TBC1D8: variants seen among roughly 807,000 people sequenced by gnomAD.
TBC1D8 encodes TBC1 domain family member 8, also known as BUB2-like protein 1.
Under a neutral mutation model 118.8 loss-of-function variants are expected in TBC1D8, and 65 were observed. The observed-to-expected ratio is 0.55, with a 90% CI of 0.45 to 0.67. The LOEUF is 0.67. Among genes scored for constraint, TBC1D8 ranks in the 30% least tolerant of loss-of-function variants. TBC1D8 has a pLI of 0.00. For missense variants in TBC1D8, 1,376 were observed against 1,471.2 expected, an observed-to-expected ratio of 0.94 and a Z score of 1.06; for synonymous variants, 566 against 595.8, an observed-to-expected ratio of 0.95 and a Z score of 0.73.
Position 101,059,454 on chromosome 2 carries a change from A to G in TBC1D8, c.369T>C (p.Asp123=). 1 of 1,613,902 alleles carries G rather than the reference A, an allele frequency of 6.2e-7. No homozygotes were observed. Among genetic ancestry groups the G allele is most frequent in the Non-Finnish European group, 8.5e-7 (1 of 1,179,838 alleles). The change falls in exon 3 of 20, where the codon GAT becomes GAC. Residue 123 remains aspartate, a synonymous_variant. Coordinates refer to ENST00000409318, the MANE Select transcript of TBC1D8 (RefSeq NM_001330348.2). ...LHTLSVFDNK[D]DIASFVKGKV... is the part of the protein sequence containing the mutation. ...TCCCTTTGACAAAACTGGCAATGTC[A>G]TCTTTATTATCAAAGACAGACAAGG... is the stretch of plus-strand genomic sequence containing the variant.
intron 1 of TBC1D8, among the ~76,000 whole-genome samples, chr2:101,129,782 G>A (rs1678509449): frequency 6.6e-6 from 1 of 151,974 alleles, no homozygotes; most frequent in Non-Finnish European, 1.5e-5. Context: ...GCAGGCGCCT[G>A]TAGTCCCAGC....
intron 2 of TBC1D8, among the ~76,000 whole-genome samples, chr2:101,061,187 C>CAAAAAAAAAAAAAA (rs397785120): frequency 1.9e-5 from 1 of 52,522 alleles, no homozygotes; most frequent in Non-Finnish European, 3.4e-5. Flanking sequence ...GACTCTGTCT[C>CAAAAAAAAAAAAAA]AAAAAAAAAA....
At chr2:101,105,265 CAAAGAATTCTT>C (rs1482510749) in intron 1 of TBC1D8, among the ~76,000 whole-genome samples, 4 of 152,024 alleles carry the variant, frequency 2.6e-5, no homozygotes, top group Non-Finnish European at 5.9e-5. Flanking sequence ...CCAAAATATA[CAAAGAATTCTT>C]AAAACTCAAC....
At chr2:101,087,791 T>C (rs1675737412) in intron 2 of TBC1D8, among the ~76,000 whole-genome samples, 1 of 152,172 alleles carries the variant, frequency 6.6e-6, no homozygotes, top group African/African-American at 2.4e-5. Context: ...AATAAAACTT[T>C]TTTAAATGAG....
intron 17 of TBC1D8, among the ~76,000 whole-genome samples, chr2:101,013,154 G>C (rs1679359199): frequency 6.6e-6 from 1 of 152,202 alleles, no homozygotes; most frequent in Non-Finnish European, 1.5e-5. Context: ...TATTAACAGT[G>C]ACAAGGAGCT....
intron 5 of TBC1D8, among the ~76,000 whole-genome samples, chr2:101,048,237 C>T (rs1168124493): frequency 2.0e-5 from 3 of 152,172 alleles, no homozygotes; most frequent in Non-Finnish European, 4.4e-5. Flanking sequence ...GTAAGCTGCA[C>T]TAAAAGGACT....
At chr2:101,046,839 C>T (rs1681737749) in intron 5 of TBC1D8, among the ~76,000 whole-genome samples, 1 of 152,140 alleles carries the variant, frequency 6.6e-6, no homozygotes, top group Non-Finnish European at 1.5e-5. Flanking sequence ...GCGAAAGAGC[C>T]TGCCTCGTGG....
chr2:101,048,899 T>C (rs954409049), intron 5 of TBC1D8, among the ~76,000 whole-genome samples: 10 of 152,236 alleles, frequency 6.6e-5, no homozygotes, highest in African/African-American at 1.2e-4. Flanking sequence ...CTCAATATAA[T>C]GTCCTCAAGG....
chr2:101,038,130 C>A (rs548306889), intron 7 of TBC1D8, among the ~76,000 whole-genome samples: 3 of 152,158 alleles, frequency 2.0e-5, no homozygotes, highest in South Asian at 2.1e-4. Context: ...CCAGCCACCC[C>A]GGGACCACCT....
chr2:101,112,338 G>T (rs745613135), intron 1 of TBC1D8, among the ~76,000 whole-genome samples: 34 of 152,190 alleles, frequency 2.2e-4, no homozygotes, highest in Non-Finnish European at 4.0e-4. Flanking sequence ...TATCCACTTG[G>T]CCATCCATTG....
At chr2:101,092,378 T>C (rs1215683658) in intron 1 of TBC1D8, among the ~76,000 whole-genome samples, 2 of 152,204 alleles carry the variant, frequency 1.3e-5, no homozygotes, top group African/African-American at 4.8e-5. Context: ...TTGGTAACGT[T>C]CGCTTTCATC....
intron 2 of TBC1D8, among the ~76,000 whole-genome samples, chr2:101,071,294 G>A (rs1011474254): frequency 3.3e-5 from 5 of 152,194 alleles, no homozygotes; most frequent in East Asian, 1.9e-4. Context: ...GCAGTGAGCC[G>A]AGATCGCACC....
Position 101,032,315 on chromosome 2 carries a change from G to A in TBC1D8, c.1889C>T (p.Ala630Val). ...KEEEAFWLLV[A>V]VCERMLPDYF... ...ATCGGGCAGCATCCGCTCACACACA[G>A]CAACCAACAGCCAGAAGGCTTCCTC... The change falls in exon 11 of 20, where the codon GCT becomes GTT. Residue 630 changes from alanine (A) to valine (V), a missense_variant. Transcript: ENST00000409318. 1 of 1,613,856 alleles carries A rather than the reference G, an allele frequency of 6.2e-7. No homozygotes were observed. Among genetic ancestry groups the A allele is most frequent in the South Asian group, 1.1e-5 (1 of 91,062 alleles).
intron 1 of TBC1D8, among the ~76,000 whole-genome samples, chr2:101,097,450 GTAGTAA>G (rs1465426403): frequency 6.6e-6 from 1 of 151,914 alleles, no homozygotes; most frequent in Non-Finnish European, 1.5e-5. Context: ...ATCGTCTAAA[GTAGTAA>G]TAGTAAGAAT....
At chr2:101,090,411 C>T (rs1675958211) in intron 1 of TBC1D8, 47 bp from the exon 2 acceptor site, 1 of 1,606,166 alleles carries the variant, frequency 6.2e-7, no homozygotes, top group Admixed American at 1.7e-5. Flanking sequence ...ATGGGGCTGG[C>T]CAGCTCCTCA....
At chr2:101,058,577 G>A (rs573299407) in intron 3 of TBC1D8, among the ~76,000 whole-genome samples, 1 of 152,102 alleles carries the variant, frequency 6.6e-6, no homozygotes, top group East Asian at 1.9e-4. Context: ...AGTTATATAA[G>A]ACTGTAACTC....
chr2:101,085,773 C>T (rs944893920), intron 2 of TBC1D8, among the ~76,000 whole-genome samples: 2 of 152,180 alleles, frequency 1.3e-5, no homozygotes, highest in African/African-American at 2.4e-5. Context: ...ATAAAACAAG[C>T]ACTCACAGAT....
At chr2:101,071,167 G>C (rs978158043) in intron 2 of TBC1D8, among the ~76,000 whole-genome samples, 2 of 151,910 alleles carry the variant, frequency 1.3e-5, no homozygotes, top group Admixed American at 1.3e-4. Flanking sequence ...GTGAAACTCC[G>C]TCTCTACTAA....
At chr2:101,139,326 C>A (rs1438391552) in intron 1 of TBC1D8, among the ~76,000 whole-genome samples, 25 of 148,052 alleles carry the variant, frequency 1.7e-4, no homozygotes, top group East Asian at 1.5e-3. Context: ...CAAAAAACAA[C>A]AAAAAAAAAA....
Sources: allele counts gnomAD v4.1 joint callset (sites outside exome capture counted in the v4.1 genomes callset), GRCh38; gene constraint gnomAD v4.1.1; transcripts MANE v1.5; gene names NCBI Gene and HGNC (gene_info 2026-07-23, HGNC 2026-07-21).